Variants in PAPOLA observed in about 807,000 individuals in gnomAD.
PAPOLA encodes the protein polynucleotide adenylyltransferase alpha.
A neutral mutation model predicts 100.6 loss-of-function variants in PAPOLA; 15 were observed. The observed-to-expected ratio is 0.15, with a 90% CI of 0.10 to 0.23. PAPOLA has a LOEUF of 0.23. PAPOLA is among the 10% of genes least tolerant of loss of function. PAPOLA has a pLI of 1.00. For synonymous variants in PAPOLA, 293 were observed against 300.0 expected (o/e 0.98, Z 0.24); for missense variants, 533 against 884.2 (o/e 0.60, Z 5.04).
At chr14:96,546,807 G>T (rs1442808311) in intron 15 of PAPOLA, among the ~76,000 whole-genome samples, 1 of 152,118 alleles carries the variant, frequency 6.6e-6, no homozygotes, top group Non-Finnish European at 1.5e-5. Flanking sequence ...GCACATAAGG[G>T]ATTATGGATT....
At chr14:96,514,622 ATTCT>A (rs1179281148) in intron 1 of PAPOLA, among the ~76,000 whole-genome samples, 1 of 152,210 alleles carries the variant, frequency 6.6e-6, no homozygotes, top group East Asian at 1.9e-4. Context: ...AAATGTCACT[ATTCT>A]TTCTAAGTTC....
intron 1 of PAPOLA, among the ~76,000 whole-genome samples, chr14:96,503,767 T>C (rs538892354): frequency 6.6e-6 from 1 of 152,300 alleles, no homozygotes; most frequent in Non-Finnish European, 1.5e-5. Context: ...TAAGTAAGGA[T>C]AATTTCTTTA....
chr14:96,552,130 T>C (rs937019941), intron 16 of PAPOLA, among the ~76,000 whole-genome samples: 1 of 152,210 alleles, frequency 6.6e-6, no homozygotes, highest in Non-Finnish European at 1.5e-5. Flanking sequence ...GACATTTCTT[T>C]CTTGTGTGTG....
At chr14:96,518,223 G>A (rs1395500198) in intron 1 of PAPOLA, among the ~76,000 whole-genome samples, 3 of 152,168 alleles carry the variant, frequency 2.0e-5, no homozygotes, top group African/African-American at 7.2e-5. Flanking sequence ...ATGACACGCA[G>A]TCCAGCAGCT....
chr14:96,506,086 T>G (rs1042802647), intron 1 of PAPOLA, among the ~76,000 whole-genome samples: 2 of 152,092 alleles, frequency 1.3e-5, no homozygotes, highest in Non-Finnish European at 2.9e-5. Context: ...GTATTTTTAG[T>G]AGAGACGAGG....
intron 1 of PAPOLA, among the ~76,000 whole-genome samples, chr14:96,518,676 C>T (rs548140165): frequency 2.0e-5 from 3 of 151,908 alleles, no homozygotes; most frequent in Admixed American, 2.0e-4. Context: ...GGATTACAAG[C>T]GTGAGCCACC....
intron 1 of PAPOLA, among the ~76,000 whole-genome samples, chr14:96,510,137 A>G (rs372763955): frequency 2.0e-5 from 3 of 151,866 alleles, no homozygotes; most frequent in African/African-American, 7.3e-5. Flanking sequence ...TATTCCCTCT[A>G]TATTTTGTCC....
At chr14:96,532,474 A>G (rs199869585) in intron 8 of PAPOLA, 37 bp from the exon 9 acceptor site, 56 of 1,606,600 alleles carry the variant, frequency 3.5e-5, no homozygotes, top group Non-Finnish European at 4.7e-5. Context: ...CTTTTGTTCA[A>G]CACTAACTTA....
At chr14:96,549,423 T>A (rs1900659627) in intron 16 of PAPOLA, among the ~76,000 whole-genome samples, 1 of 152,000 alleles carries the variant, frequency 6.6e-6, no homozygotes, top group South Asian at 2.1e-4. Context: ...TAATTTTTTG[T>A]ATTTTTAGTA....
At chr14:96,534,876 A>G in intron 10 of PAPOLA, 2 of 1,067,932 alleles carry the variant, frequency 1.9e-6, no homozygotes, top group Non-Finnish European at 2.3e-6. Context: ...AAAAAAAATA[A>G]AAGGATACTA....
intron 1 of PAPOLA, among the ~76,000 whole-genome samples, chr14:96,506,495 T>G (rs896720856): frequency 9.9e-5 from 15 of 152,192 alleles, no homozygotes; most frequent in Admixed American, 7.2e-4. Flanking sequence ...TAAATGAGAA[T>G]AAAGCAAGTC....
At chr14:96,504,574 G>T (rs1478232918) in intron 1 of PAPOLA, 2 of 152,374 alleles carry the variant, frequency 1.3e-5, no homozygotes, top group African/African-American at 4.8e-5. Context: ...GGTGGCTCAT[G>T]CCTGTAATCC....
chr14:96,521,858 C>T (rs1897995990), intron 3 of PAPOLA, among the ~76,000 whole-genome samples: 1 of 152,114 alleles, frequency 6.6e-6, no homozygotes, highest in Non-Finnish European at 1.5e-5. Flanking sequence ...GTCACCCAGG[C>T]TAGAGTGCAG....
chr14:96,527,374 G>A (rs1898580209), intron 4 of PAPOLA, 56 bp from the exon 5 acceptor site: 2 of 1,020,320 alleles, frequency 2.0e-6, no homozygotes, highest in Admixed American at 3.5e-5. Flanking sequence ...ATGATAGGAT[G>A]CAAAATAATT....
chr14:96,541,215 A>C (rs989947272), intron 12 of PAPOLA, among the ~76,000 whole-genome samples: 1 of 152,134 alleles, frequency 6.6e-6, no homozygotes, highest in Non-Finnish European at 1.5e-5. Flanking sequence ...ACATTTTTTT[A>C]AAATAAGTTT....
chr14:96,535,883 A>G lies in PAPOLA; in HGVS notation c.914A>G (p.Asn305Ser). Residue 305 changes from asparagine (N) to serine (S), a missense_variant, in exon 11 of 22, where the codon AAC (asparagine) becomes AGC (serine). Physicochemically the swap from Asn to Ser is conservative, Grantham distance 46 (BLOSUM62 1). Around this residue, in one of 9 missense-constraint regions of PAPOLA, gnomAD observed 87 missense variants for 173.3 expected, o/e 0.50. Coordinates refer to ENST00000216277, the MANE Select transcript of PAPOLA (RefSeq NM_032632.5). ...LNLPVWDPRV[N>S]PSDRYHLMPI... The stretch of plus-strand genomic sequence containing the variant: ...ATTGGCTGTTGTTGTATGTAGGTAA[A>G]CCCCAGTGATAGGTACCATCTTATG... The G allele has an allele frequency of 6.3e-7, 1 of 1,586,476 alleles. No individual in the cohort carries two copies. Among genetic ancestry groups the G allele is most frequent in the Non-Finnish European group, 8.6e-7 (1 of 1,166,300 alleles).
At chr14:96,555,974 G>A (rs769071269) in intron 18 of PAPOLA, 27 bp downstream of exon 18, 1 of 1,440,710 alleles carries the variant, frequency 6.9e-7, no homozygotes, top group Non-Finnish European at 9.8e-7. Context: ...TGTCAGGTTT[G>A]AGAATTCTTA....
At chr14:96,561,399 A>G (rs1901832235) in intron 20 of PAPOLA, among the ~76,000 whole-genome samples, 1 of 152,166 alleles carries the variant, frequency 6.6e-6, no homozygotes, top group African/African-American at 2.4e-5. Context: ...AAACTCTCTT[A>G]GGTTTTGTGT....
intron 19 of PAPOLA, among the ~76,000 whole-genome samples, chr14:96,558,547 A>G (rs1901548981): frequency 1.3e-5 from 2 of 152,146 alleles, no homozygotes; most frequent in Non-Finnish European, 2.9e-5. Flanking sequence ...CTGGTTTAGA[A>G]AAGCAATAAG....
Sources: gnomAD v4.1 joint callset for allele counts (sites outside exome capture counted in the v4.1 genomes callset) on GRCh38, gnomAD v4.1.1 for gene constraint, gnomAD v4.1.1 regional missense constraint, MANE v1.5 for transcripts, NCBI Gene and HGNC (gene_info 2026-07-23, HGNC 2026-07-21) for gene names.